Variants in FRY observed in about 807,000 individuals in gnomAD.
FRY encodes the protein protein furry homolog.
FRY carries 128 observed loss-of-function variants against 348.4 expected under a neutral mutation model. The ratio of observed to expected loss-of-function variants is 0.37; its 90% CI spans 0.32 to 0.43. The LOEUF (loss-of-function observed/expected upper bound fraction) is 0.43. FRY is among the 20% of genes least tolerant of loss of function. The pLI is 1.00. For synonymous variants in FRY, 1,370 were observed against 1,374.7 expected (o/e 1.00, Z 0.08); for missense variants, 2,736 against 3,695.2 (o/e 0.74, Z 6.73).
rs527601603 is a variant in FRY at position 32,206,280 on chromosome 13, A to T, written c.4019-2573A>T. Among the ~76,000 whole-genome samples, 6 of 152,302 alleles carry T rather than the reference A, an allele frequency of 3.9e-5. No individual in the cohort carries two copies. In the South Asian group the frequency reaches 1.2e-3, roughly 32 times the overall value. On this transcript the variant is annotated intron_variant, in intron 31 of 60. Transcript: ENST00000542859. ...AGAGCAGAAGGGTGAGAAGGAATGG[A>T]GGGAGAACACTCAGGAGAAGGGTTT...
intron 53 of FRY, among the ~76,000 whole-genome samples, chr13:32,263,399 G>A (rs1887767356): frequency 6.6e-6 from 1 of 151,964 alleles, no homozygotes; most frequent in Non-Finnish European, 1.5e-5. Context: ...TTTAAACCAA[G>A]GGCAATCACC....
At chr13:32,057,327 A>T (rs1389741308) in intron 1 of FRY, among the ~76,000 whole-genome samples, 1 of 151,948 alleles carries the variant, frequency 6.6e-6, no homozygotes, top group Admixed American at 6.6e-5. Context: ...ACGTGCCACC[A>T]CACCTAGCTA....
chr13:32,111,159 T>C (rs1877929617), intron 3 of FRY, among the ~76,000 whole-genome samples: 1 of 152,154 alleles, frequency 6.6e-6, no homozygotes, highest in Non-Finnish European at 1.5e-5. Flanking sequence ...GTGCCAATAA[T>C]GTGGCAAGGA....
intron 20 of FRY, 41 bp from the exon 21 acceptor site, chr13:32,178,136 C>G: frequency 6.2e-7 from 1 of 1,610,750 alleles, no homozygotes; most frequent in East Asian, 2.2e-5. Context: ...TGGATAACTT[C>G]AGTTCGGGTT....
chr13:32,232,751 A>G (rs951357784), intron 41 of FRY, among the ~76,000 whole-genome samples: 1 of 152,178 alleles, frequency 6.6e-6, no homozygotes, highest in African/African-American at 2.4e-5. Context: ...ACCTGGGCAC[A>G]CCTAACTGCA....
At chr13:32,050,310 A>G (rs1489045907) in intron 1 of FRY, among the ~76,000 whole-genome samples, 1 of 152,196 alleles carries the variant, frequency 6.6e-6, no homozygotes, top group Non-Finnish European at 1.5e-5. Context: ...TCTCTCGGAA[A>G]AATATAGTGT....
At chr13:32,096,303 C>T (rs895551502) in intron 2 of FRY, among the ~76,000 whole-genome samples, 4 of 152,162 alleles carry the variant, frequency 2.6e-5, no homozygotes, top group African/African-American at 9.6e-5. Context: ...TTTAACACAC[C>T]CTGATAACTT....
At chr13:32,242,212 T>C (rs1354765125) in intron 46 of FRY, among the ~76,000 whole-genome samples, 3 of 152,212 alleles carry the variant, frequency 2.0e-5, no homozygotes. Flanking sequence ...TCAAAATCCT[T>C]TTATCACATA....
Position 32,035,641 on chromosome 13 carries a change from T to C in FRY, c.70+3776T>C, listed in dbSNP as rs138130061. Reference sequence around the variant, plus strand: ...TGCCTGATGAACACACAGGGCCCAATGAATGAAGGTACATTCAGAATCTGT... The same window carrying C: ...TGCCTGATGAACACACAGGGCCCAACGAATGAAGGTACATTCAGAATCTGT... On this transcript the variant is annotated intron_variant, in intron 1 of 60. Transcript: ENST00000542859. 2.4e-4 allele frequency among the ~76,000 whole-genome samples: 36 copies of C among 152,350 alleles called. No individual in the cohort carries two copies. In the East Asian group the frequency reaches 6.7e-3, roughly 29 times the overall value.
Position 32,077,547 on chromosome 13 carries a change from G to C in FRY, c.71-1287G>C, listed in dbSNP as rs186465471. On this transcript the variant is annotated intron_variant, in intron 1 of 60. Transcript: ENST00000542859. ...CCTCAACTGTTATGTCAGGTTAAAT[G>C]AATTACAAAGGAAGGGTAGGAAATG... 3.9e-5 allele frequency among the ~76,000 whole-genome samples: 6 copies of C among 152,288 alleles called. No individual in the cohort carries two copies. In the East Asian group the frequency reaches 1.2e-3, roughly 29 times the overall value.
intron 51 of FRY, among the ~76,000 whole-genome samples, chr13:32,258,937 T>C (rs1887480123): frequency 6.6e-6 from 1 of 152,136 alleles, no homozygotes; most frequent in African/African-American, 2.4e-5. Flanking sequence ...TCTTCAACAA[T>C]AATTCTTGTT....
At chr13:32,252,095 T>TATTTCTCCCCACACCATGATTTTTAA (rs1887113394) in intron 50 of FRY, 143 bp downstream of exon 50, 1 of 701,580 alleles carries the variant, frequency 1.4e-6, no homozygotes, top group African/African-American at 1.8e-5. Context: ...ACCCCTGGAC[T>TATTTCTCCCCACACCATGATTTTTAA]ATTTCTCCCC....
chr13:32,143,714 A>T (rs74044439), intron 11 of FRY, among the ~76,000 whole-genome samples: 3,880 of 152,306 alleles, frequency 0.025, 185 homozygotes, highest in African/African-American at 0.089. Flanking sequence ...TTCACAAAGG[A>T]AAAGATGTTT....
At chr13:32,041,630 T>C (rs539530605) in intron 1 of FRY, among the ~76,000 whole-genome samples, 1 of 152,330 alleles carries the variant, frequency 6.6e-6, no homozygotes, top group African/African-American at 2.4e-5. Context: ...ACTGAGTGTT[T>C]TGTTTCACTT....
intron 28 of FRY, among the ~76,000 whole-genome samples, chr13:32,192,710 C>T (rs1387403366): frequency 6.8e-6 from 1 of 146,130 alleles, no homozygotes; most frequent in African/African-American, 2.5e-5. Context: ...GAAGAGTGAA[C>T]AACTTTAAGA....
intron 14 of FRY, among the ~76,000 whole-genome samples, chr13:32,150,719 GTCATCTCTATATTA>G (rs1880739403): frequency 6.6e-6 from 1 of 152,204 alleles, no homozygotes; most frequent in African/African-American, 2.4e-5. Flanking sequence ...GAGAGTTCCT[GTCATCTCTATATTA>G]TCACCTGGCT....
intron 24 of FRY, among the ~76,000 whole-genome samples, 197 bp from the exon 25 acceptor site, chr13:32,184,403 T>C (rs1019149073): frequency 1.3e-5 from 2 of 152,126 alleles, no homozygotes; most frequent in Admixed American, 1.3e-4. Context: ...GACCCACTTA[T>C]GATGTTTTTT....
rs74046737 is a variant in FRY, at chr13:32,120,145, G to A, written c.464+2672G>A. On this transcript the variant is annotated intron_variant, in intron 4 of 60. Coordinates refer to ENST00000542859, the MANE Select transcript of FRY (RefSeq NM_023037.3). ...GGTTTTATTTAATATATACTATTGA[G>A]CATTTATGTGTTTGGGAAATTATGC... 8.8e-3 allele frequency among the ~76,000 whole-genome samples: 1,343 copies of A among 152,072 alleles called. 20 individuals are homozygous for A. The highest frequency in any genetic ancestry group is 0.031 in the African/African-American group (1,274 of 41,462).
At chr13:32,287,691 C>T (rs140192206) in intron 58 of FRY, among the ~76,000 whole-genome samples, 48 of 152,248 alleles carry the variant, frequency 3.2e-4, no homozygotes, top group African/African-American at 1.0e-3. Context: ...TTAACTGGAA[C>T]GCTATGCATG....
Sources: allele counts gnomAD v4.1 joint callset (sites outside exome capture counted in the v4.1 genomes callset), GRCh38; gene constraint gnomAD v4.1.1; transcripts MANE v1.5; gene names NCBI Gene and HGNC (gene_info 2026-07-23, HGNC 2026-07-21).